Variants in CNTN6 observed in about 807,000 individuals in gnomAD.
CNTN6 encodes the protein contactin 6.
Under a neutral mutation model 122.8 loss-of-function variants are expected in CNTN6, and 137 were observed. The ratio of observed to expected loss-of-function variants is 1.12; its 90% CI spans 0.97 to 1.29. The LOEUF (loss-of-function observed/expected upper bound fraction) is 1.29. CNTN6 is among the 50% of genes most tolerant of loss of function. The pLI is 0.00. For missense variants in CNTN6, 1,634 were observed against 1,223.4 expected (o/e 1.34, Z -5.01); for synonymous variants, 570 against 426.0 (o/e 1.34, Z -4.16).
chr3:1,346,327 A>T (rs897498812), intron 11 of CNTN6, among the ~76,000 whole-genome samples: 1 of 152,124 alleles, frequency 6.6e-6, no homozygotes, highest in Admixed American at 6.6e-5. Context: ...TTTATCTTCC[A>T]TGTGGCAGTT....
chr3:1,391,671 A>C (rs1358574881), intron 20 of CNTN6, among the ~76,000 whole-genome samples: 4 of 151,282 alleles, frequency 2.6e-5, no homozygotes, highest in Non-Finnish European at 5.9e-5. Flanking sequence ...GTCTCAGCCC[A>C]AAATCTCCTT....
chr3:1,129,043 G>A (rs780070986), intron 1 of CNTN6, among the ~76,000 whole-genome samples: 4 of 151,920 alleles, frequency 2.6e-5, no homozygotes, highest in Non-Finnish European at 5.9e-5. Context: ...AAAAATTAGT[G>A]AACTATATTC....
At chr3:1,302,026 ACAAG>A (rs1195027161) in intron 7 of CNTN6, among the ~76,000 whole-genome samples, 2 of 152,214 alleles carry the variant, frequency 1.3e-5, no homozygotes, top group African/African-American at 4.8e-5. Flanking sequence ...TATAAAATTA[ACAAG>A]CATAAAAGGC....
chr3:1,144,887 G>T (rs902500319), intron 1 of CNTN6, among the ~76,000 whole-genome samples: 7 of 152,164 alleles, frequency 4.6e-5, no homozygotes, highest in African/African-American at 1.7e-4. Context: ...AGCAAGCGGG[G>T]ACTGTTGGAG....
chr3:1,272,683 C>G (rs1385741447), intron 4 of CNTN6, among the ~76,000 whole-genome samples: 2 of 152,012 alleles, frequency 1.3e-5, no homozygotes, highest in African/African-American at 2.4e-5. Context: ...CCCTGGGTAC[C>G]CATAGCCTTC....
chr3:1,244,695 T>G (rs139572668), intron 4 of CNTN6, among the ~76,000 whole-genome samples: 2,971 of 152,082 alleles, frequency 0.02, 81 homozygotes, highest in African/African-American at 0.063. Context: ...TTCACCTGGG[T>G]GCAGGTGGGC....
intron 1 of CNTN6, among the ~76,000 whole-genome samples, chr3:1,145,667 A>G (rs1031195729): frequency 3.3e-5 from 5 of 152,158 alleles, no homozygotes; most frequent in Non-Finnish European, 7.3e-5. Context: ...ATAGGTTTTT[A>G]GGGAGATACA....
chr3:1,270,097 A>G (rs2094998192), intron 4 of CNTN6, among the ~76,000 whole-genome samples: 1 of 152,158 alleles, frequency 6.6e-6, no homozygotes, highest in Non-Finnish European at 1.5e-5. Flanking sequence ...TGTGTTACTG[A>G]GTTATGCTAG....
intron 7 of CNTN6, among the ~76,000 whole-genome samples, chr3:1,303,175 T>G (rs4684875): frequency 0.65 from 99,140 of 151,884 alleles, 35,587 homozygotes; most frequent in East Asian, 1. Flanking sequence ...TTTTTTATTA[T>G]AGCACTTAAT....
intron 4 of CNTN6, among the ~76,000 whole-genome samples, chr3:1,275,185 C>T (rs1692111423): frequency 6.6e-6 from 1 of 152,110 alleles, no homozygotes; most frequent in African/African-American, 2.4e-5. Flanking sequence ...AGTCTCTTTC[C>T]TTACTTGATC....
intron 4 of CNTN6, among the ~76,000 whole-genome samples, chr3:1,235,000 C>A (rs1012615532): frequency 4.6e-5 from 7 of 152,158 alleles, no homozygotes; most frequent in African/African-American, 1.7e-4. Context: ...TATTTAAAAT[C>A]AACAGGGAAG....
At chr3:1,312,563 C>T (rs1391030974) in intron 7 of CNTN6, among the ~76,000 whole-genome samples, 1 of 146,960 alleles carries the variant, frequency 6.8e-6, no homozygotes, top group Non-Finnish European at 1.5e-5. Context: ...GGAGGCATCT[C>T]AATATGTTTT....
intron 2 of CNTN6, among the ~76,000 whole-genome samples, chr3:1,205,291 T>G (rs2093943454): frequency 6.6e-6 from 1 of 152,162 alleles, no homozygotes; most frequent in Non-Finnish European, 1.5e-5. Flanking sequence ...CCTACAGAAC[T>G]ATAAGATAGT....
intron 4 of CNTN6, among the ~76,000 whole-genome samples, chr3:1,275,804 AGG>A (rs985319877): frequency 7.4e-5 from 4 of 54,160 alleles, no homozygotes; most frequent in South Asian, 3.7e-4. Flanking sequence ...CTGATCTAAC[AGG>A]GGGCAGAGCT....
chr3:1,147,252 CA>C (rs1397873595), intron 1 of CNTN6, among the ~76,000 whole-genome samples: 3 of 151,632 alleles, frequency 2.0e-5, no homozygotes, highest in Non-Finnish European at 4.4e-5. Flanking sequence ...AGAAAAGCTG[CA>C]AAATTATACC....
intron 2 of CNTN6, among the ~76,000 whole-genome samples, chr3:1,187,670 G>T (rs1421542430): frequency 6.6e-6 from 1 of 152,178 alleles, no homozygotes; most frequent in Non-Finnish European, 1.5e-5. Context: ...CATAATTTGT[G>T]AGGCCAAGGG....
At chr3:1,240,882 TA>T (rs1426199355) in intron 4 of CNTN6, among the ~76,000 whole-genome samples, 22 of 151,630 alleles carry the variant, frequency 1.5e-4, no homozygotes, top group African/African-American at 4.6e-4. Context: ...TGAAGGGAGA[TA>T]GGGGTGGGGC....
chr3:1,138,397 C>A (rs2092533669), intron 1 of CNTN6, among the ~76,000 whole-genome samples: 1 of 151,916 alleles, frequency 6.6e-6, no homozygotes. Context: ...CACTTTTACT[C>A]ACTCTACTCC....
chr3:1,322,303 G>A (rs1700968971), intron 8 of CNTN6, among the ~76,000 whole-genome samples: 1 of 151,392 alleles, frequency 6.6e-6, no homozygotes, highest in Non-Finnish European at 1.5e-5. Context: ...TAAAAAGAAG[G>A]CAATTACATT....
Sources: allele counts gnomAD v4.1 joint callset (sites outside exome capture counted in the v4.1 genomes callset), GRCh38; gene constraint gnomAD v4.1.1; transcripts MANE v1.5; gene names NCBI Gene and HGNC (gene_info 2026-07-23, HGNC 2026-07-21).